Variants in TRIO observed in about 807,000 individuals in gnomAD.
TRIO encodes trio Rho guanine nucleotide exchange factor.
A neutral mutation model predicts 351.9 loss-of-function variants in TRIO; 58 were observed. The observed-to-expected ratio is 0.16, with a 90% confidence interval of 0.13 to 0.21. The LOEUF (loss-of-function observed/expected upper bound fraction) is 0.21. TRIO is among the 10% of genes least tolerant of loss of function. The pLI is 1.00. For synonymous variants in TRIO, 1,758 were observed against 1,595.7 expected (o/e 1.10, Z -2.42); for missense variants, 3,201 against 4,027.8 (o/e 0.79, Z 5.56).
At chr5:14,339,410 A>C (rs1271874168) in intron 11 of TRIO, among the ~76,000 whole-genome samples, 2 of 152,258 alleles carry the variant, frequency 1.3e-5, no homozygotes, top group African/African-American at 4.8e-5. Flanking sequence ...TTTTGTTTTC[A>C]TTGACTTACA....
In TRIO at chr5:14,358,581, G is replaced by A. The variant is rs183086981; in HGVS notation, c.2216+234G>A. Among the ~76,000 whole-genome samples the A allele has an allele frequency of 5.7e-3, 862 of 151,998 alleles. 12 individuals carry two copies. Among genetic ancestry groups the A allele is most frequent in the African/African-American group, 0.02 (812 of 41,412 alleles). On this transcript the variant is annotated intron_variant, in intron 12 of 56. Coordinates refer to ENST00000344204, the MANE Select transcript of TRIO (RefSeq NM_007118.4). ...TCATAATAGTTTTCATTATAACATC[G>A]ACTAATAAACCACATAATTTAATTT...
At chr5:14,382,855 C>CTG (rs34448636) in intron 21 of TRIO, among the ~76,000 whole-genome samples, 38,573 of 144,326 alleles carry the variant, frequency 0.27, 5,570 homozygotes, top group Middle Eastern at 0.36. Flanking sequence ...GTGTGTGTGT[C>CTG]TGTGTGTGTG....
intron 1 of TRIO, among the ~76,000 whole-genome samples, chr5:14,266,535 T>A (rs1457141279): frequency 1.3e-5 from 2 of 152,234 alleles, no homozygotes; most frequent in Admixed American, 1.3e-4. Context: ...GATTTAACAT[T>A]TATGCTCACA....
At chr5:14,206,249 A>G (rs1047588361) in intron 1 of TRIO, among the ~76,000 whole-genome samples, 2 of 152,010 alleles carry the variant, frequency 1.3e-5, no homozygotes, top group Non-Finnish European at 2.9e-5. Context: ...TGTGGTAGAG[A>G]TGGGTCTCAC....
intron 9 of TRIO, among the ~76,000 whole-genome samples, chr5:14,322,138 G>A (rs1739946386): frequency 6.6e-6 from 1 of 152,178 alleles, no homozygotes; most frequent in Non-Finnish European, 1.5e-5. Flanking sequence ...ATTCACTGGT[G>A]TTTCCCAAGT....
At chr5:14,388,414 A>G (rs146302861) in intron 23 of TRIO, among the ~76,000 whole-genome samples, 199 bp from the exon 24 acceptor site, 1 of 152,218 alleles carries the variant, frequency 6.6e-6, no homozygotes, top group Admixed American at 6.5e-5. Context: ...TCGGTACCTC[A>G]GTAAAGTGTG....
At chr5:14,465,116 G>C (rs923430074) in intron 36 of TRIO, among the ~76,000 whole-genome samples, 9 of 151,916 alleles carry the variant, frequency 5.9e-5, no homozygotes, top group African/African-American at 2.2e-4. Context: ...CTTAGTACCT[G>C]TTTTGTTTCC....
intron 1 of TRIO, among the ~76,000 whole-genome samples, chr5:14,222,129 C>T (rs1279764530): frequency 7.1e-6 from 1 of 141,784 alleles, no homozygotes; most frequent in Non-Finnish European, 1.6e-5. Context: ...ATGATGTTAG[C>T]ACTTTTTCTT....
intron 18 of TRIO, among the ~76,000 whole-genome samples, chr5:14,369,785 C>T (rs1411044026): frequency 3.9e-5 from 6 of 152,204 alleles, no homozygotes; most frequent in African/African-American, 7.2e-5. Context: ...TTGGAAGTCA[C>T]AATACCAGGT....
At chr5:14,251,289 G>A (rs979386263) in intron 1 of TRIO, among the ~76,000 whole-genome samples, 23 of 152,186 alleles carry the variant, frequency 1.5e-4, no homozygotes, top group African/African-American at 5.3e-4. Context: ...GAATGGCCCA[G>A]GCTTCTGGCC....
At chr5:14,151,666 AGT>A (rs1227432203) in intron 1 of TRIO, among the ~76,000 whole-genome samples, 1 of 152,214 alleles carries the variant, frequency 6.6e-6, no homozygotes, top group Non-Finnish European at 1.5e-5. Context: ...TGGCCAAAAC[AGT>A]GTGTGTATAA....
At chr5:14,182,044 T>C (rs533665026) in intron 1 of TRIO, among the ~76,000 whole-genome samples, 2 of 152,302 alleles carry the variant, frequency 1.3e-5, no homozygotes, top group South Asian at 4.1e-4. Context: ...TTCCCACATA[T>C]CATTGAATTT....
At chr5:14,150,480 AAAG>A (rs1787766073) in intron 1 of TRIO, among the ~76,000 whole-genome samples, 1 of 152,232 alleles carries the variant, frequency 6.6e-6, no homozygotes, top group South Asian at 2.1e-4. Flanking sequence ...GACATTAAAA[AAAG>A]GCCAATAATA....
chr5:14,187,093 T>C (rs1352610551), intron 1 of TRIO, among the ~76,000 whole-genome samples: 3 of 152,206 alleles, frequency 2.0e-5, no homozygotes, highest in African/African-American at 7.2e-5. Flanking sequence ...CAAGGCAGCC[T>C]AAAGCGATGA....
intron 54 of TRIO, 133 bp downstream of exon 54, chr5:14,502,790 A>G (rs1376297517): frequency 2.3e-6 from 2 of 864,264 alleles, no homozygotes; most frequent in African/African-American, 3.3e-5. Flanking sequence ...TTTGAATCGT[A>G]ACTCTCATTG....
chr5:14,292,915 A>AG, intron 5 of TRIO, 97 bp from the exon 6 acceptor site: 1 of 1,546,892 alleles, frequency 6.5e-7, no homozygotes, highest in Non-Finnish European at 8.8e-7. Context: ...TGTCCAGGGA[A>AG]GGAAGTTGCC....
At chr5:14,454,757 T>C (rs993609180) in intron 34 of TRIO, among the ~76,000 whole-genome samples, 4 of 152,248 alleles carry the variant, frequency 2.6e-5, no homozygotes, top group African/African-American at 9.6e-5. Context: ...GAAAATGTTG[T>C]GTCCGAAATT....
chr5:14,389,741 A>G (rs1403901626), intron 25 of TRIO, among the ~76,000 whole-genome samples: 1 of 152,320 alleles, frequency 6.6e-6, no homozygotes, highest in East Asian at 1.9e-4. Flanking sequence ...CTGCAGGCCT[A>G]TGCTGTTTGC....
At position 14,338,102 on chromosome 5, in the gene TRIO, G is replaced by C. The variant is rs116595458; in HGVS notation, c.2046+1375G>C. On this transcript the variant is annotated intron_variant, in intron 11 of 56. Transcript: ENST00000344204. ...CTAGTCATTGCTGCACGTGCCTCTA[G>C]ACTAAGTTTCCCACTCATTGTGAAC... 2.5e-3 allele frequency among the ~76,000 whole-genome samples: 387 copies of C among 152,282 alleles called. 2 individuals carry two copies. The highest frequency in any genetic ancestry group is 4.2e-3 in the Non-Finnish European group (285 of 68,032).
Sources: gnomAD v4.1 joint callset for allele counts (sites outside exome capture counted in the v4.1 genomes callset) on GRCh38, gnomAD v4.1.1 for gene constraint, MANE v1.5 for transcripts, NCBI Gene and HGNC (gene_info 2026-07-23, HGNC 2026-07-21) for gene names.